The following MYZAP variants were observed in gnomAD, a reference collection of about 807,000 sequenced individuals.
MYZAP encodes the protein GRINL1A complex locus upstream.
MYZAP carries 66 observed loss-of-function variants against 69.4 expected under a neutral mutation model. The ratio of observed to expected loss-of-function variants is 0.95; its 90% CI spans 0.78 to 1.17. MYZAP has a LOEUF of 1.17. Among genes scored for constraint, MYZAP ranks in the 50% most tolerant of loss-of-function variants. MYZAP has a pLI of 0.00. For synonymous variants in MYZAP, 256 were observed against 205.9 expected, an observed-to-expected ratio of 1.24 and a Z score of -2.09; for missense variants, 611 against 556.2, an observed-to-expected ratio of 1.10 and a Z score of -0.99.
rs763856721 is a variant in MYZAP at position 57,616,822 on chromosome 15, C to CTTTTTTTTTTTTTTTTTTTTTTTTTTTT, written c.163-1186_163-1185insTTTTTTTTTTTTTTTTTTTTTTTTTTTT. Among the ~76,000 whole-genome samples the CTTTTTTTTTTTTTTTTTTTTTTTTTTTT allele has an allele frequency of 4.6e-4, 23 of 50,060 alleles. 4 individuals carry two copies. The highest frequency in any genetic ancestry group is 9.5e-4 in the African/African-American group (12 of 12,620). The allele number at this position is 50,060 out of a possible 152,430, so 32.8% of individuals were successfully genotyped here. On this transcript the variant is annotated intron_variant, in intron 2 of 12. Transcript: ENST00000267853. Reference sequence around the variant, plus strand: ...GAGACTCCATCTAAAAAAAAAAGTGCTTTTTTTTTTTTTTTTTTTTTTTTT... The same window carrying CTTTTTTTTTTTTTTTTTTTTTTTTTTTT: ...GAGACTCCATCTAAAAAAAAAAGTGCTTTTTTTTTTTTTTTTTTTTTTTTTTTTTTTTTTTTTTTTTTTTTTTTTTTTT...
rs533472167 is a variant in MYZAP, at chr15:57,601,032, C to T, written c.76-3237C>T. ...GATTGAGGCTGCAGTGCTATGATTA[C>T]ACCACTGCACTCCAGCCTGGGCGAC... is the stretch of plus-strand genomic sequence containing the variant. On this transcript the variant is annotated intron_variant, in intron 1 of 12. Coordinates refer to ENST00000267853, the MANE Select transcript of MYZAP (RefSeq NM_001018100.5). 3.0e-4 allele frequency among the ~76,000 whole-genome samples: 46 copies of T among 152,274 alleles called. No individual in the cohort carries two copies. In the South Asian group the frequency reaches 9.3e-3, roughly 31 times the overall value.
chr15:57,672,538 C>G (rs968894100), intron 11 of MYZAP, among the ~76,000 whole-genome samples: 12 of 152,154 alleles, frequency 7.9e-5, no homozygotes, highest in African/African-American at 2.9e-4. Context: ...AAGTGCAGCC[C>G]CCACTCTTTA....
intron 2 of MYZAP, among the ~76,000 whole-genome samples, chr15:57,614,255 T>C (rs1471946218): frequency 6.6e-6 from 1 of 152,214 alleles, no homozygotes; most frequent in Non-Finnish European, 1.5e-5. Flanking sequence ...GAGAGACTCA[T>C]TGCACGTCAG....
At chr15:57,677,097 CTT>C (rs2039177208) in intron 12 of MYZAP, among the ~76,000 whole-genome samples, 2 of 152,170 alleles carry the variant, frequency 1.3e-5, no homozygotes, top group South Asian at 4.1e-4. Flanking sequence ...AGCCCAGAAT[CTT>C]TCGGTAACTC....
chr15:57,681,965 G>C (rs1428128585), intron 12 of MYZAP, among the ~76,000 whole-genome samples: 1 of 152,146 alleles, frequency 6.6e-6, no homozygotes, highest in Non-Finnish European at 1.5e-5. Context: ...GATGTGGGAA[G>C]TTAGGGGAAA....
chr15:57,684,575 G>T lies in MYZAP; in HGVS notation c.*77G>T. On this transcript the variant is annotated 3_prime_UTR_variant, in exon 13 of 13. Transcript: ENST00000267853. ...TGGCTTCAAATCCTTTGGGAAGGGT[G>T]ACTGTTGTTTCCCCTACACACAGTG... is the stretch of plus-strand genomic sequence containing the variant. 1 of 919,028 alleles carries T rather than the reference G, an allele frequency of 1.1e-6. No homozygotes were observed. The allele number at this position is 919,028 out of a possible 1,614,324, so 56.9% of individuals were successfully genotyped here.
chr15:57,599,374 G>A (rs927899664), intron 1 of MYZAP: 18 of 789,570 alleles, frequency 2.3e-5, no homozygotes, highest in African/African-American at 1.0e-4. Context: ...TTTTGCCATC[G>A]TCGTACCCTC....
intron 5 of MYZAP, among the ~76,000 whole-genome samples, chr15:57,627,419 G>T (rs1271842378): frequency 6.8e-6 from 1 of 147,640 alleles, no homozygotes; most frequent in Non-Finnish European, 1.5e-5. Flanking sequence ...GAAGGGGGAG[G>T]AGGAGGAGGA....
At chr15:57,607,649 G>T (rs2034839544) in intron 2 of MYZAP, among the ~76,000 whole-genome samples, 1 of 152,132 alleles carries the variant, frequency 6.6e-6, no homozygotes, top group African/African-American at 2.4e-5. Context: ...ATATGCACCA[G>T]GATACTTCTT....
intron 1 of MYZAP, chr15:57,599,690 T>TAAAATGC (rs1432765253): frequency 7.8e-7 from 1 of 1,288,926 alleles, no homozygotes; most frequent in Non-Finnish European, 1.0e-6. Flanking sequence ...ATCAGCCTCG[T>TAAAATGC]AAAATGCTCG....
intron 11 of MYZAP, among the ~76,000 whole-genome samples, chr15:57,674,139 T>A (rs1426946477): frequency 1.5e-5 from 2 of 134,140 alleles, no homozygotes; most frequent in Non-Finnish European, 3.2e-5. Context: ...TTTCTGAATA[T>A]TTTTTTTTTG....
At chr15:57,644,960 G>A (rs184014801) in intron 10 of MYZAP, among the ~76,000 whole-genome samples, 3 of 152,338 alleles carry the variant, frequency 2.0e-5, no homozygotes, top group Admixed American at 1.3e-4. Context: ...CACTAAGAGA[G>A]ACTAAGGGTG....
intron 10 of MYZAP, among the ~76,000 whole-genome samples, chr15:57,649,988 G>T (rs2037645586): frequency 6.6e-6 from 1 of 152,070 alleles, no homozygotes; most frequent in Non-Finnish European, 1.5e-5. Context: ...TTTTGTTTGT[G>T]GTTGTATCTC....
intron 5 of MYZAP, among the ~76,000 whole-genome samples, chr15:57,627,385 G>C (rs1234437640): frequency 2.3e-5 from 2 of 85,144 alleles, no homozygotes; most frequent in African/African-American, 7.5e-5. Context: ...GAGAGGGAGG[G>C]GGAGGGGGAG....
chr15:57,682,539 C>A (rs2039497142), intron 12 of MYZAP, among the ~76,000 whole-genome samples: 1 of 152,184 alleles, frequency 6.6e-6, no homozygotes, highest in Non-Finnish European at 1.5e-5. Flanking sequence ...TTCTAACTGA[C>A]CTGCCTTCAG....
Position 57,638,361 on chromosome 15 carries a change from A to G in MYZAP, c.1013+587A>G, listed in dbSNP as rs555406552. On this transcript the variant is annotated intron_variant, in intron 9 of 12. Transcript: ENST00000267853. ...CCTGAGTCTTGCTTGTGCCACATGG[A>G]AATTCATCTTTAAACGGGGGAGACG... 5.3e-5 allele frequency among the ~76,000 whole-genome samples: 8 copies of G among 152,288 alleles called. No homozygotes were observed. In the South Asian group the frequency reaches 1.7e-3, roughly 32 times the overall value.
At chr15:57,617,818 C>T (rs150299609) in intron 2 of MYZAP, among the ~76,000 whole-genome samples, 9 of 152,246 alleles carry the variant, frequency 5.9e-5, no homozygotes, top group East Asian at 3.9e-4. Context: ...CATTAGCAAA[C>T]GGTGCTCTTC....
chr15:57,624,051 T>C (rs1218437429), intron 4 of MYZAP, among the ~76,000 whole-genome samples: 1 of 152,188 alleles, frequency 6.6e-6, no homozygotes, highest in East Asian at 1.9e-4. Context: ...AGCAGGGTGG[T>C]AATTTTTTAT....
At chr15:57,649,426 C>T (rs1455113989) in intron 10 of MYZAP, among the ~76,000 whole-genome samples, 2 of 152,144 alleles carry the variant, frequency 1.3e-5, no homozygotes, top group Non-Finnish European at 2.9e-5. Context: ...TCTTAATTTG[C>T]GTCAGCCTGA....
Sources: gnomAD v4.1 joint callset for allele counts (sites outside exome capture counted in the v4.1 genomes callset) on GRCh38, gnomAD v4.1.1 for gene constraint, MANE v1.5 for transcripts, NCBI Gene and HGNC (gene_info 2026-07-23, HGNC 2026-07-21) for gene names.